Variants in CSF2RA observed in about 807,000 individuals in gnomAD.
CSF2RA encodes the protein granulocyte-macrophage colony-stimulating factor receptor subunit alpha.
A neutral mutation model predicts 51.6 loss-of-function variants in CSF2RA; 42 were observed. The observed-to-expected ratio is 0.81, with a 90% CI of 0.64 to 1.05. The LOEUF is 1.05. CSF2RA is among the 50% of genes least tolerant of loss of function. The pLI, the probability that CSF2RA is intolerant of heterozygous loss-of-function variation, is 0.00. For missense variants in CSF2RA, 530 were observed against 501.1 expected (o/e 1.06, Z -0.55); for synonymous variants, 222 against 193.0 (o/e 1.15, Z -1.24).
chrX:1,301,759 G>C (rs2082963474), intron 10 of CSF2RA, among the ~76,000 whole-genome samples: 1 of 150,574 alleles, frequency 6.6e-6, no homozygotes, highest in South Asian at 2.1e-4. Flanking sequence ...ACCACGCCTG[G>C]CTAATTTTTT....
At chrX:1,298,277 C>T (rs2092108398) in intron 9 of CSF2RA, among the ~76,000 whole-genome samples, 1 of 15,134 alleles carries the variant, frequency 6.6e-5, no homozygotes, top group African/African-American at 4.2e-4. Flanking sequence ...CCTACAGTCC[C>T]CTACTCACGA....
intron 3 of CSF2RA, chrX:1,285,518 A>G: frequency 2.0e-6 from 1 of 512,080 alleles, no homozygotes. Context: ...ACATGGTGAA[A>G]CCCCCATCTC....
chrX:1,282,835 A>G (rs2090200675), intron 3 of CSF2RA, 56 bp downstream of exon 3: 1 of 1,427,680 alleles, frequency 7.0e-7, no homozygotes, highest in Non-Finnish European at 9.9e-7. Flanking sequence ...GATGTCCTGC[A>G]TCTGGAGACC....
At chrX:1,293,207 C>CT (rs2091561307) in intron 7 of CSF2RA, among the ~76,000 whole-genome samples, 1 of 121,150 alleles carries the variant, frequency 8.3e-6, no homozygotes, top group African/African-American at 3.4e-5. Context: ...TCTGATCTTT[C>CT]TTTTTGTTTG....
At chrX:1,316,761 G>A in the CSF2RA span, among the ~76,000 whole-genome samples, 3,429 of 152,296 alleles carry the variant, frequency 0.023, 129 homozygotes, top group African/African-American at 0.078. Flanking sequence ...ATCCTGTTGA[G>A]TCATGCCGTG....
At chrX:1,271,899 T>A (rs1328473777) in intron 1 of CSF2RA, among the ~76,000 whole-genome samples, 1 of 152,094 alleles carries the variant, frequency 6.6e-6, no homozygotes, top group Non-Finnish European at 1.5e-5. Flanking sequence ...GTAGGTTTGC[T>A]GTAGATGACA....
At chrX:1,283,115 G>GTTCCTTCCTTCCTTCC (rs746476696) in intron 3 of CSF2RA, among the ~76,000 whole-genome samples, 1 of 91,128 alleles carries the variant, frequency 1.1e-5, no homozygotes, top group African/African-American at 3.7e-5. Flanking sequence ...TCGTTCCTTC[G>GTTCCTTCCTTCCTTCC]TTCCTTCGTT....
chrX:1,314,687 G>A (rs867182506), downstream of CSF2RA, among the ~76,000 whole-genome samples: 4 of 640 alleles, frequency 6.3e-3, 1 homozygote, highest in Non-Finnish European at 0.012. Context: ...ACCCCTCTGT[G>A]CCTGCCCAAC....
rs1241927755 is a variant in CSF2RA at position 1,276,354 on chromosome X, G to GCTTATATA, written c.-27+1536_-27+1537insCTTATATA. ...CAGCCAGCAGCTTGGTTTTATGTTT[G>GCTTATATA]TTTATATATTTATTTATTTATTTAT... On this transcript the variant is annotated intron_variant, in intron 2 of 12. Coordinates refer to ENST00000381529, the MANE Select transcript of CSF2RA (RefSeq NM_172245.4). Among the ~76,000 whole-genome samples the GCTTATATA allele has an allele frequency of 8.3e-5, 9 of 108,812 alleles. No homozygotes were observed. The Admixed American group carries it at 9.3e-4, about 11-fold the overall frequency. 71.4% of individuals were successfully genotyped at this position (108,812 alleles called of 152,430 possible).
the CSF2RA span, among the ~76,000 whole-genome samples, chrX:1,322,688 C>T: frequency 1.2e-4 from 18 of 151,882 alleles, no homozygotes; most frequent in South Asian, 3.1e-3. Flanking sequence ...GACAGAGCGA[C>T]GTCCTTCCTC....
intron 10 of CSF2RA, among the ~76,000 whole-genome samples, chrX:1,301,977 T>C (rs1283330873): frequency 1.4e-5 from 2 of 142,060 alleles, no homozygotes; most frequent in East Asian, 2.1e-4. Context: ...AGTGCAGTGG[T>C]GCCATCTCGG....
the CSF2RA span, among the ~76,000 whole-genome samples, chrX:1,323,780 A>T: frequency 1.6e-4 from 25 of 151,532 alleles, no homozygotes; most frequent in South Asian, 4.2e-4. Context: ...TTTGGGAGGC[A>T]GAGGCGGGCA....
At position 1,274,918 on chromosome X, in the gene CSF2RA, C is replaced by G. The variant is rs185569307; in HGVS notation, c.-27+100C>G. On this transcript the variant is annotated intron_variant, in intron 2 of 12. Coordinates refer to ENST00000381529, the MANE Select transcript of CSF2RA (RefSeq NM_172245.4). ...AATGTTTTGCTCCATAATGATGAACCAGGATAGAAGTGAGAACTCAGGGCA... is the reference window on the plus strand; with the variant it reads ...AATGTTTTGCTCCATAATGATGAACGAGGATAGAAGTGAGAACTCAGGGCA... The G allele has an allele frequency of 1.3e-3, 576 of 448,876 alleles. 4 individuals are homozygous for G. The highest frequency in any genetic ancestry group is 0.01 in the African/African-American group (508 of 49,700). 27.8% of individuals were successfully genotyped at this position (448,876 alleles called of 1,614,324 possible).
chrX:1,278,033 A>C (rs1261824965), intron 2 of CSF2RA, among the ~76,000 whole-genome samples: 1 of 118,766 alleles, frequency 8.4e-6, no homozygotes, highest in Non-Finnish European at 1.9e-5. Context: ...TAAAATAGTG[A>C]AAGACTAGGT....
At chrX:1,308,500 C>T (rs2083903217) in intron 12 of CSF2RA, among the ~76,000 whole-genome samples, 1 of 151,990 alleles carries the variant, frequency 6.6e-6, no homozygotes. Flanking sequence ...CATCCCAAGA[C>T]CCCGTGGGTG....
At chrX:1,309,287 C>A in intron 12 of CSF2RA, 115 bp from the exon 13 acceptor site, 2 of 1,117,198 alleles carry the variant, frequency 1.8e-6, no homozygotes, top group South Asian at 1.3e-5. Context: ...TGCACTCCAG[C>A]CTGGGCAATA....
chrX:1,299,026 C>T (rs1285289320), intron 9 of CSF2RA, among the ~76,000 whole-genome samples: 84 of 152,284 alleles, frequency 5.5e-4, no homozygotes, highest in African/African-American at 2.0e-3. Context: ...CAGGGGTGGA[C>T]ACGGTGGATC....
chrX:1,306,934 A>G (rs2083633583), intron 12 of CSF2RA, among the ~76,000 whole-genome samples: 1 of 151,636 alleles, frequency 6.6e-6, no homozygotes, highest in South Asian at 2.1e-4. Flanking sequence ...GATGGAGGAA[A>G]AAGACAGAGA....
chrX:1,318,256 C>T, the CSF2RA span, among the ~76,000 whole-genome samples: 3 of 151,698 alleles, frequency 2.0e-5, no homozygotes, highest in Admixed American at 6.6e-5. Context: ...CTCTGCTTCC[C>T]GGGTTCAAGT....
Sources: gnomAD v4.1 joint callset for allele counts (sites outside exome capture counted in the v4.1 genomes callset) on GRCh38, gnomAD v4.1.1 for gene constraint, MANE v1.5 for transcripts, NCBI Gene and HGNC (gene_info 2026-07-23, HGNC 2026-07-21) for gene names.